OTOP1: variants seen among roughly 807,000 people sequenced by gnomAD.
OTOP1 encodes the protein proton channel OTOP1.
Under a neutral mutation model 52.9 loss-of-function variants are expected in OTOP1, and 59 were observed. The ratio of observed to expected loss-of-function variants is 1.12; its 90% CI spans 0.91 to 1.39. OTOP1 has a LOEUF of 1.39. Ranked by LOEUF, OTOP1 falls within the 40% of genes most tolerant of loss-of-function variation. The pLI is 0.00. For synonymous variants in OTOP1, 317 were observed against 337.7 expected (o/e 0.94, Z 0.67); for missense variants, 761 against 800.9 (o/e 0.95, Z 0.60).
intron 4 of OTOP1, among the ~76,000 whole-genome samples, chr4:4,202,048 A>G (rs773740627): frequency 6.6e-6 from 1 of 152,322 alleles, no homozygotes; most frequent in Non-Finnish European, 1.5e-5. Flanking sequence ...TTAGACTCCT[A>G]TGAATTTTTA....
intron 3 of OTOP1, among the ~76,000 whole-genome samples, chr4:4,203,116 G>C (rs1412956306): frequency 1.3e-5 from 2 of 152,242 alleles, no homozygotes; most frequent in East Asian, 3.8e-4. Context: ...TGGCCATTCT[G>C]GCCAGTGAGA....
At chr4:4,204,054 T>C (rs1263078803) in intron 3 of OTOP1, among the ~76,000 whole-genome samples, 1 of 152,230 alleles carries the variant, frequency 6.6e-6, no homozygotes, top group Non-Finnish European at 1.5e-5. Context: ...GTCCATGATC[T>C]GCCCACGGGG....
At chr4:4,226,328 G>A (rs967036920) in intron 1 of OTOP1, 134 bp downstream of exon 1, 2 of 893,548 alleles carry the variant, frequency 2.2e-6, no homozygotes, top group African/African-American at 1.8e-5. Flanking sequence ...GGAAAGCTAG[G>A]AAAGATGCAC....
At chr4:4,189,475 C>T (rs1190506524) in intron 5 of OTOP1, among the ~76,000 whole-genome samples, 1 of 152,214 alleles carries the variant, frequency 6.6e-6, no homozygotes, top group Non-Finnish European at 1.5e-5. Flanking sequence ...CCGCTTCCGG[C>T]TGTAGCCTTC....
chr4:4,213,126 C>A, intron 1 of OTOP1, 122 bp from the exon 2 acceptor site: 1 of 1,281,168 alleles, frequency 7.8e-7, no homozygotes, highest in South Asian at 1.5e-5. Flanking sequence ...TGATTTTTCA[C>A]AAGGGTGCCG....
chr4:4,217,887 A>G (rs966459347), intron 1 of OTOP1, among the ~76,000 whole-genome samples: 1 of 152,198 alleles, frequency 6.6e-6, no homozygotes, highest in African/African-American at 2.4e-5. Context: ...ATAGTGACCA[A>G]TCAACTTTGT....
At chr4:4,225,583 A>AAAAAAAT (rs1717411264) in intron 1 of OTOP1, among the ~76,000 whole-genome samples, 2 of 150,868 alleles carry the variant, frequency 1.3e-5, no homozygotes, top group Non-Finnish European at 1.5e-5. Context: ...AAAAAAAAAA[A>AAAAAAAT]TGTGGCAGCC....
At chr4:4,198,443 A>G (rs1716702964) in intron 4 of OTOP1, among the ~76,000 whole-genome samples, 1 of 152,234 alleles carries the variant, frequency 6.6e-6, no homozygotes, top group African/African-American at 2.4e-5. Context: ...CTGGAAGGAC[A>G]CAAACTAAAA....
chr4:4,197,120 G>T (rs1716652709), intron 5 of OTOP1, 46 bp downstream of exon 5: 1 of 1,533,116 alleles, frequency 6.5e-7, no homozygotes, highest in African/African-American at 1.4e-5. Flanking sequence ...GAAAATGAAA[G>T]TTTAAAGTAA....
At chr4:4,194,129 C>T (rs1368498849) in intron 5 of OTOP1, among the ~76,000 whole-genome samples, 9 of 152,176 alleles carry the variant, frequency 5.9e-5, no homozygotes, top group Non-Finnish European at 1.2e-4. Context: ...GCGGAGGTTG[C>T]AATGAGCCAA....
intron 1 of OTOP1, among the ~76,000 whole-genome samples, chr4:4,219,168 C>A (rs1264107118): frequency 2.6e-5 from 4 of 152,184 alleles, no homozygotes; most frequent in East Asian, 3.9e-4. Flanking sequence ...TGATGTAAAT[C>A]CTCCCACTAA....
chr4:4,201,255 C>T (rs1279611964), intron 4 of OTOP1, among the ~76,000 whole-genome samples: 3 of 152,020 alleles, frequency 2.0e-5, no homozygotes, highest in Admixed American at 1.3e-4. Context: ...AGTGAAACCC[C>T]GTCTCTACTA....
Position 4,226,886 on chromosome 4 carries a change from T to G in OTOP1, c.-22A>C. On this transcript the variant is annotated 5_prime_UTR_variant, in exon 1 of 6. Transcript: ENST00000296358. ...GCATCTTCGAGACACCCGCGCCAAGTCTGGTCCCGGGGGTGGCTGCCGTCG... is the reference window on the plus strand; with the variant it reads ...GCATCTTCGAGACACCCGCGCCAAGGCTGGTCCCGGGGGTGGCTGCCGTCG... The G allele has an allele frequency of 7.6e-7, 1 of 1,309,894 alleles. No individual in the cohort carries two copies. Among genetic ancestry groups the G allele is most frequent in the Non-Finnish European group, 9.7e-7 (1 of 1,032,702 alleles). The allele number at this position is 1,309,894 out of a possible 1,614,324, so 81.1% of individuals were successfully genotyped here. A position where few individuals can be genotyped will look rare whatever the true frequency, so the allele number is the denominator to read the frequency against.
chr4:4,191,639 G>C (rs536756959), intron 5 of OTOP1, among the ~76,000 whole-genome samples: 23 of 152,258 alleles, frequency 1.5e-4, no homozygotes, highest in African/African-American at 4.8e-4. Context: ...TCACCCTTCA[G>C]CGAGGCCTTC....
Position 4,190,532 on chromosome 4 carries a change from T to C in OTOP1, c.1669-1559A>G, listed in dbSNP as rs557952293. ...TGGTTGGTTGTGTCTGTAGTGAATA[T>C]GTACAAACTTTCTTCTTGTCATTAT... is the stretch of plus-strand genomic sequence containing the variant. On this transcript the variant is annotated intron_variant, in intron 5 of 5. Coordinates refer to ENST00000296358, the MANE Select transcript of OTOP1 (RefSeq NM_177998.3). 4.6e-5 allele frequency among the ~76,000 whole-genome samples: 7 copies of C among 152,364 alleles called. No homozygotes were observed. The East Asian group carries it at 1.2e-3, about 25-fold the overall frequency.
In OTOP1 at chr4:4,226,782, C is replaced by T; in HGVS notation, c.83G>A (p.Cys28Tyr). Residue 28 changes from cysteine (C) to tyrosine (Y), a missense_variant, in exon 1 of 6, where the codon TGC becomes TAC. Cys to Tyr is a radical substitution (Grantham distance 194, BLOSUM62 -2). Around this residue, in one of 3 missense-constraint regions of OTOP1, gnomAD observed 73 missense variants for 75.7 expected, o/e 0.96. Coordinates refer to ENST00000296358, the MANE Select transcript of OTOP1 (RefSeq NM_177998.3). ...CGGGGCCGAGGACGAGGGAGGCGAG[C>T]AGGCCGCTGGCCCCGACGACCCTGC... ...SVAGSSGPAA[C>Y]SPPSSSAPRS... The T allele has an allele frequency of 7.3e-7, 1 of 1,374,816 alleles. No individual in the cohort carries two copies. The highest frequency in any genetic ancestry group is 3.1e-5 in the East Asian group (1 of 32,462). The allele number at this position is 1,374,816 out of a possible 1,614,324, so 85.2% of individuals were successfully genotyped here.
At position 4,223,409 on chromosome 4, in the gene OTOP1, A is replaced by AGATGGATGGATG. The variant is rs35580858; in HGVS notation, c.403+3041_403+3052dup. The stretch of plus-strand genomic sequence containing the variant: ...AACATGGATGGATGGATGGACGGAC[A>AGATGGATGGATG]GATGGATGGATGGATGGATGGATGG... On this transcript the variant is annotated intron_variant, in intron 1 of 5. Coordinates refer to ENST00000296358, the MANE Select transcript of OTOP1 (RefSeq NM_177998.3). Among the ~76,000 whole-genome samples, 1,056 of 149,106 alleles carry AGATGGATGGATG rather than the reference A, an allele frequency of 7.1e-3. 16 individuals are homozygous for AGATGGATGGATG. Among genetic ancestry groups the AGATGGATGGATG allele is most frequent in the African/African-American group, 0.024 (960 of 40,498 alleles).
At chr4:4,199,886 C>T (rs200966274) in intron 4 of OTOP1, among the ~76,000 whole-genome samples, 1 of 152,078 alleles carries the variant, frequency 6.6e-6, no homozygotes, top group Non-Finnish European at 1.5e-5. Context: ...TAGAATAGGA[C>T]AGAATGGAGT....
chr4:4,213,137 A>C, intron 1 of OTOP1, 133 bp from the exon 2 acceptor site: 3 of 1,170,590 alleles, frequency 2.6e-6, no homozygotes, highest in Non-Finnish European at 3.6e-6. Context: ...AAGGGTGCCG[A>C]GACCATTCAA....
Sources: gnomAD v4.1 joint callset for allele counts (sites outside exome capture counted in the v4.1 genomes callset) on GRCh38, gnomAD v4.1.1 for gene constraint, gnomAD v4.1.1 regional missense constraint, MANE v1.5 for transcripts, NCBI Gene and HGNC (gene_info 2026-07-23, HGNC 2026-07-21) for gene names.